ZNF804B: variants seen among roughly 807,000 people sequenced by gnomAD.
The protein encoded by ZNF804B is zinc finger protein 804B.
ZNF804B carries 80 observed loss-of-function variants against 101.4 expected under a neutral mutation model. The observed-to-expected ratio is 0.79, with a 90% confidence interval of 0.66 to 0.95. ZNF804B has a LOEUF of 0.95. Ranked by LOEUF, ZNF804B falls within the 40% of genes least tolerant of loss-of-function variation. The probability of loss-of-function intolerance (pLI) is 0.00; values close to 1 mark genes in which losing one functional copy is unlikely to be tolerated. For synonymous variants in ZNF804B, 622 were observed against 558.8 expected (o/e 1.11, Z -1.59); for missense variants, 1,673 against 1,561.9 (o/e 1.07, Z -1.20).
chr7:89,186,099 A>T (rs1788371892), intron 1 of ZNF804B, among the ~76,000 whole-genome samples: 1 of 152,056 alleles, frequency 6.6e-6, no homozygotes, highest in African/African-American at 2.4e-5. Flanking sequence ...AAAAATTAAC[A>T]ATCAGAAAGA....
At chr7:89,209,467 T>C (rs963047006) in intron 1 of ZNF804B, among the ~76,000 whole-genome samples, 1 of 152,198 alleles carries the variant, frequency 6.6e-6, no homozygotes, top group African/African-American at 2.4e-5. Flanking sequence ...TATGGTAAAA[T>C]GGGAACAGCA....
At chr7:89,002,799 T>G (rs1355906073) in intron 1 of ZNF804B, among the ~76,000 whole-genome samples, 1 of 151,888 alleles carries the variant, frequency 6.6e-6, no homozygotes, top group African/African-American at 2.4e-5. Flanking sequence ...ACCAAATATG[T>G]TAATGGAAAA....
At chr7:89,019,505 G>A (rs1366968080) in intron 1 of ZNF804B, among the ~76,000 whole-genome samples, 3 of 151,912 alleles carry the variant, frequency 2.0e-5, no homozygotes, top group Admixed American at 1.3e-4. Flanking sequence ...CTGGTCTATC[G>A]TGCACTGTAA....
At chr7:88,834,877 A>G (rs1791186997) in intron 1 of ZNF804B, among the ~76,000 whole-genome samples, 1 of 151,740 alleles carries the variant, frequency 6.6e-6, no homozygotes, top group Non-Finnish European at 1.5e-5. Context: ...ATGATGAAAT[A>G]CTCACTTGCA....
At position 89,333,895 on chromosome 7, in the gene ZNF804B, G is replaced by A. The variant is rs1474451742; in HGVS notation, c.913G>A (p.Asp305Asn). ...CTCCATAAACTCTAAAATTTTGCAA[G>A]ACAAACACGACTCTATTGATGAGAC... ...TISINSKILQ[D>N]KHDSIDETLE... The change falls in exon 4 of 4, where the codon GAC (aspartate) becomes AAC (asparagine). Residue 305 changes from aspartate to asparagine, a missense_variant. By Grantham distance (23) the Asp-to-Asn change is conservative. Coordinates refer to ENST00000333190, the MANE Select transcript of ZNF804B (RefSeq NM_181646.5). 6.8e-7 allele frequency: 1 copy of A among 1,461,984 alleles called. No homozygotes were observed. The highest frequency in any genetic ancestry group is 1.8e-5 in the Admixed American group (1 of 56,264). 90.6% of individuals were successfully genotyped at this position (1,461,984 alleles called of 1,614,324 possible). A position where few individuals can be genotyped will look rare whatever the true frequency, so the allele number is the denominator to read the frequency against.
At chr7:88,984,278 G>A (rs528507352) in intron 1 of ZNF804B, among the ~76,000 whole-genome samples, 2 of 152,100 alleles carry the variant, frequency 1.3e-5, no homozygotes, top group African/African-American at 4.8e-5. Context: ...GCAGCTTAGT[G>A]TTTAACAAGA....
At chr7:89,192,657 G>C (rs1160659739) in intron 1 of ZNF804B, among the ~76,000 whole-genome samples, 2 of 151,760 alleles carry the variant, frequency 1.3e-5, no homozygotes, top group Non-Finnish European at 2.9e-5. Flanking sequence ...ATTCTATGAG[G>C]CCATCATCAT....
At chr7:89,152,695 A>G (rs944733088) in intron 1 of ZNF804B, among the ~76,000 whole-genome samples, 2 of 152,198 alleles carry the variant, frequency 1.3e-5, no homozygotes, top group African/African-American at 4.8e-5. Flanking sequence ...AATAAAATAT[A>G]TAGTTACCTG....
At chr7:89,126,451 A>C (rs1037383542) in intron 1 of ZNF804B, among the ~76,000 whole-genome samples, 1 of 152,016 alleles carries the variant, frequency 6.6e-6, no homozygotes, top group Non-Finnish European at 1.5e-5. Flanking sequence ...AAATCCCCAC[A>C]CACATTGTGG....
At chr7:88,975,506 G>T (rs1562848805) in intron 1 of ZNF804B, among the ~76,000 whole-genome samples, 1 of 151,460 alleles carries the variant, frequency 6.6e-6, no homozygotes, top group African/African-American at 2.4e-5. Flanking sequence ...TCTCATTGTT[G>T]TTTTGATTTG....
At chr7:89,254,118 T>C (rs796353228) in intron 2 of ZNF804B, among the ~76,000 whole-genome samples, 3 of 152,288 alleles carry the variant, frequency 2.0e-5, no homozygotes, top group African/African-American at 7.2e-5. Context: ...ACAATTTCTA[T>C]TTAACATTGC....
At chr7:89,060,176 G>T (rs149809901) in intron 1 of ZNF804B, among the ~76,000 whole-genome samples, 1 of 152,180 alleles carries the variant, frequency 6.6e-6, no homozygotes, top group Non-Finnish European at 1.5e-5. Flanking sequence ...GGACTTCTCA[G>T]CCACCATAAT....
At chr7:88,780,386 C>CT (rs34619990) in intron 1 of ZNF804B, among the ~76,000 whole-genome samples, 31,294 of 111,162 alleles carry the variant, frequency 0.28, 5,791 homozygotes, top group East Asian at 0.45. Context: ...ACTTTTTTGT[C>CT]TTTTTTTTTT....
Position 89,221,107 on chromosome 7 carries a change from A to G in ZNF804B, c.249+2812A>G, listed in dbSNP as rs140179799. Among the ~76,000 whole-genome samples the G allele has an allele frequency of 2.3e-3, 355 of 152,110 alleles. 3 individuals carry two copies. Among genetic ancestry groups the G allele is most frequent in the African/African-American group, 8.1e-3 (338 of 41,540 alleles). ...GAGTGAGTTGAGGTACTATCAGATT[A>G]TTGATCCATTTATCATTAAGTTTCC... On this transcript the variant is annotated intron_variant, in intron 2 of 3. Transcript: ENST00000333190.
chr7:89,069,890 G>A (rs1418322561), intron 1 of ZNF804B, among the ~76,000 whole-genome samples: 1 of 152,080 alleles, frequency 6.6e-6, no homozygotes, highest in Non-Finnish European at 1.5e-5. Flanking sequence ...ATACCTGCTG[G>A]CAGGATTGGA....
chr7:88,794,948 G>T, intron 1 of ZNF804B: 1 of 1,543,492 alleles, frequency 6.5e-7, no homozygotes, highest in Non-Finnish European at 8.7e-7. Flanking sequence ...GACATGAGGA[G>T]TCTTATTTAT....
chr7:88,994,118 A>T (rs1017539503), intron 1 of ZNF804B, among the ~76,000 whole-genome samples: 3 of 151,822 alleles, frequency 2.0e-5, no homozygotes, highest in Non-Finnish European at 4.4e-5. Flanking sequence ...TCTCACACTT[A>T]ATTTTCTCTG....
intron 1 of ZNF804B, among the ~76,000 whole-genome samples, chr7:89,068,003 T>G (rs1427233076): frequency 6.6e-6 from 1 of 150,996 alleles, no homozygotes; most frequent in African/African-American, 2.4e-5. Flanking sequence ...AGTGTTTATG[T>G]TAAAATATTT....
chr7:88,921,364 AGGTCCGTCC>A (rs1792716357), intron 1 of ZNF804B, among the ~76,000 whole-genome samples: 1 of 152,126 alleles, frequency 6.6e-6, no homozygotes, highest in Non-Finnish European at 1.5e-5. Context: ...GGAGCTCCCG[AGGTCCGTCC>A]TTTCATCAAA....
Sources: gnomAD v4.1 joint callset for allele counts (sites outside exome capture counted in the v4.1 genomes callset) on GRCh38, gnomAD v4.1.1 for gene constraint, MANE v1.5 for transcripts, NCBI Gene and HGNC (gene_info 2026-07-23, HGNC 2026-07-21) for gene names.